Variants in HACD3 observed in about 807,000 individuals in gnomAD.
The protein encoded by HACD3 is very-long-chain (3R)-3-hydroxyacyl-CoA dehydratase 3.
HACD3 carries 30 observed loss-of-function variants against 55.2 expected under a neutral mutation model. The ratio of observed to expected loss-of-function variants is 0.54; its 90% CI spans 0.41 to 0.74. HACD3 has a LOEUF of 0.74. HACD3 is among the 30% of genes least tolerant of loss of function. The pLI is 0.00. For missense variants in HACD3, 363 were observed against 440.1 expected (o/e 0.82, Z 1.57); for synonymous variants, 141 against 151.7 (o/e 0.93, Z 0.52).
chr15:65,538,141 A>G (rs1386009921), intron 1 of HACD3, among the ~76,000 whole-genome samples: 1 of 151,962 alleles, frequency 6.6e-6, no homozygotes, highest in African/African-American at 2.4e-5. Flanking sequence ...GGATCAAGGA[A>G]TAATTTTGAC....
chr15:65,564,259 T>G lies in HACD3; in HGVS notation c.577T>G (p.Phe193Val), dbSNP rs1485392707. Residue 193 changes from phenylalanine (F) to valine (V), a missense_variant, in exon 7 of 11, where the codon TTC (phenylalanine) becomes GTC (valine). Physicochemically the swap from Phe to Val is conservative, Grantham distance 50 (BLOSUM62 -1). Transcript: ENST00000261875. Reference sequence around the variant, plus strand: ...CCATACTGTGGCTGACATGATGTATTTCTGCCAGATGCTGGCAGTTGTGGA... The same window carrying G: ...CCATACTGTGGCTGACATGATGTATGTCTGCCAGATGCTGGCAGTTGTGGA... ...TFHTVADMMY[F>V]CQMLAVVETI... The G allele has an allele frequency of 1.2e-6, 2 of 1,613,782 alleles. No homozygotes were observed. Among genetic ancestry groups the G allele is most frequent in the Admixed American group, 3.3e-5 (2 of 60,022 alleles).
At chr15:65,570,069 C>T (rs1319823407) in intron 7 of HACD3, 22 bp from the exon 8 acceptor site, 2 of 1,460,524 alleles carry the variant, frequency 1.4e-6, no homozygotes, top group African/African-American at 1.4e-5. Context: ...ACTTTTTTCT[C>T]TCTTTTGGGT....
chr15:65,572,057 C>T (rs1299113573), intron 9 of HACD3, among the ~76,000 whole-genome samples, 178 bp from the exon 10 acceptor site: 2 of 152,186 alleles, frequency 1.3e-5, no homozygotes, highest in Admixed American at 1.3e-4. Flanking sequence ...AGGTTGGAGG[C>T]TGATCTCTTA....
In HACD3 at chr15:65,576,551, A is replaced by G; in HGVS notation, c.*172A>G. ...GAATTTACTGTTATCTTATTGTAGT[A>G]CTTGCATGACATGGATTCCTGATAT... is the stretch of plus-strand genomic sequence containing the variant. On this transcript the variant is annotated 3_prime_UTR_variant, in exon 11 of 11. Coordinates refer to ENST00000261875, the MANE Select transcript of HACD3 (RefSeq NM_016395.4). 1.4e-6 allele frequency: 1 copy of G among 696,834 alleles called. No individual in the cohort carries two copies. Among genetic ancestry groups the G allele is most frequent in the Non-Finnish European group, 2.3e-6 (1 of 429,382 alleles). The allele number at this position is 696,834 out of a possible 1,614,324, so 43.2% of individuals were successfully genotyped here. A position where few individuals can be genotyped will look rare whatever the true frequency, so the allele number is the denominator to read the frequency against.
chr15:65,541,953 G>A (rs767329834), intron 1 of HACD3, among the ~76,000 whole-genome samples: 5 of 151,982 alleles, frequency 3.3e-5, no homozygotes, highest in Admixed American at 6.6e-5. Flanking sequence ...TGTTTTGGCC[G>A]GGTGCGGTGG....
chr15:65,555,871 G>C (rs1424133059), intron 3 of HACD3, among the ~76,000 whole-genome samples: 2 of 152,152 alleles, frequency 1.3e-5, no homozygotes, highest in African/African-American at 4.8e-5. Context: ...TAAGCTGAGG[G>C]TAATTGGATG....
intron 1 of HACD3, chr15:65,535,732 G>A: frequency 5.9e-6 from 3 of 507,616 alleles, no homozygotes; most frequent in Non-Finnish European, 1.1e-5. Context: ...GTCTCACTCT[G>A]TTGCCCAGGT....
intron 7 of HACD3, chr15:65,566,999 T>C (rs1027209666): frequency 6.7e-6 from 1 of 150,126 alleles, no homozygotes; most frequent in East Asian, 2.0e-4. Flanking sequence ...TCTTAAAAAC[T>C]TGTATTAATG....
rs776822345 is a variant in HACD3, at chr15:65,571,566, G to A, written c.792G>A (p.Leu264=). The A allele has an allele frequency of 2.1e-5, 34 of 1,613,452 alleles. No individual in the cohort carries two copies. The South Asian group carries it at 3.6e-4, about 17-fold the overall frequency. Residue 264 remains leucine (L), a synonymous_variant, in exon 9 of 11, where the codon CTG becomes CTA. Coordinates refer to ENST00000261875, the MANE Select transcript of HACD3 (RefSeq NM_016395.4). ...IEIFRYSFYM[L]TCIDMDWKVL... ...TCAATAGGTACTCTTTCTACATGCT[G>A]ACGTGCATTGACATGGATTGGAAGG...
chr15:65,532,525 G>A (rs182876103), intron 1 of HACD3, among the ~76,000 whole-genome samples: 71 of 151,950 alleles, frequency 4.7e-4, no homozygotes, highest in Non-Finnish European at 7.9e-4. Context: ...TTGGCTACTC[G>A]GGAGGCTGAG....
Position 65,530,641 on chromosome 15 carries a change from C to T in HACD3, c.10C>T (p.Gln4Ter). The part of the protein sequence containing the change: MEN[Q>*]VLTPHVYWAQ... ...CCTGGGCAGTGTGGCCATGGAGAATCAGGTGTTGACGCCGCATGTCTACTG... is the reference window on the plus strand; with the variant it reads ...CCTGGGCAGTGTGGCCATGGAGAATTAGGTGTTGACGCCGCATGTCTACTG... Residue 4 changes from glutamine to a stop codon, truncating the protein, a stop_gained, in exon 1 of 11, where the codon CAG becomes TAG. Coordinates refer to ENST00000261875, the MANE Select transcript of HACD3 (RefSeq NM_016395.4). LOFTEE classifies it high-confidence loss of function. 1 of 1,578,800 alleles carries T rather than the reference C, an allele frequency of 6.3e-7. No homozygotes were observed. Among genetic ancestry groups the T allele is most frequent in the East Asian group, 2.3e-5 (1 of 42,626 alleles).
chr15:65,551,919 T>G, intron 2 of HACD3: 2 of 517,746 alleles, frequency 3.9e-6, no homozygotes, highest in East Asian at 3.3e-5. Flanking sequence ...GTTTCCCCCA[T>G]GGAGAGGCAG....
chr15:65,572,914 C>CAAAAAAAA (rs60226731), intron 10 of HACD3, among the ~76,000 whole-genome samples: 4 of 106,368 alleles, frequency 3.8e-5, no homozygotes, highest in African/African-American at 9.1e-5. Flanking sequence ...GACTTTGTCT[C>CAAAAAAAA]AAAAAAAAAA....
chr15:65,557,369 GGAGGCT>G (rs2072203227), intron 4 of HACD3, among the ~76,000 whole-genome samples: 1 of 152,084 alleles, frequency 6.6e-6, no homozygotes, highest in South Asian at 2.1e-4. Flanking sequence ...GAGCTGCTCA[GGAGGCT>G]GAGGCAGGAG....
chr15:65,536,358 G>A (rs760385911), intron 1 of HACD3, among the ~76,000 whole-genome samples: 7 of 152,254 alleles, frequency 4.6e-5, no homozygotes, highest in South Asian at 4.2e-4. Context: ...GAACTTAATC[G>A]ATAAATGTAT....
At chr15:65,570,564 T>C (rs1314495308) in intron 8 of HACD3, among the ~76,000 whole-genome samples, 1 of 152,182 alleles carries the variant, frequency 6.6e-6, no homozygotes, top group Non-Finnish European at 1.5e-5. Context: ...CCAGGTTGGA[T>C]AGAACTAATT....
chr15:65,555,998 T>G (rs370005334), intron 3 of HACD3, among the ~76,000 whole-genome samples: 1 of 152,164 alleles, frequency 6.6e-6, no homozygotes, highest in Non-Finnish European at 1.5e-5. Flanking sequence ...TATCCTGATA[T>G]CCTCCTGTAT....
At chr15:65,540,503 T>C (rs2072009848) in intron 1 of HACD3, among the ~76,000 whole-genome samples, 1 of 152,156 alleles carries the variant, frequency 6.6e-6, no homozygotes, top group African/African-American at 2.4e-5. Context: ...ACTTGAAAGT[T>C]AAAACAAATG....
intron 1 of HACD3, among the ~76,000 whole-genome samples, chr15:65,548,512 C>CA (rs5813362): frequency 0.063 from 4,965 of 79,036 alleles, 302 homozygotes; most frequent in African/African-American, 0.18. Flanking sequence ...GATTCTGTCT[C>CA]AAAAAAAAAA....
Sources: allele counts gnomAD v4.1 joint callset (sites outside exome capture counted in the v4.1 genomes callset), GRCh38; gene constraint gnomAD v4.1.1; transcripts MANE v1.5; gene names NCBI Gene and HGNC (gene_info 2026-07-23, HGNC 2026-07-21).